ARHGAP15: variants seen among roughly 807,000 people sequenced by gnomAD.
ARHGAP15 encodes the protein Rho GTPase activating protein 15, also known as rho GTPase-activating protein 15.
Under a neutral mutation model 63.7 loss-of-function variants are expected in ARHGAP15, and 51 were observed. The ratio of observed to expected loss-of-function variants is 0.80; its 90% CI spans 0.64 to 1.01. The LOEUF (loss-of-function observed/expected upper bound fraction) is 1.01. Among genes scored for constraint, ARHGAP15 ranks in the 50% least tolerant of loss-of-function variants. The probability of loss-of-function intolerance (pLI) is 0.00; values close to 1 mark genes in which losing one functional copy is unlikely to be tolerated. For missense variants in ARHGAP15, 560 were observed against 564.6 expected (o/e 0.99, Z 0.08); for synonymous variants, 191 against 193.8 (o/e 0.99, Z 0.12).
chr2:143,452,910 A>G (rs1690473778), intron 8 of ARHGAP15, among the ~76,000 whole-genome samples: 1 of 152,138 alleles, frequency 6.6e-6, no homozygotes, highest in East Asian at 1.9e-4. Flanking sequence ...AATATTTGGC[A>G]TAAAGGAAAT....
At chr2:143,580,568 G>T (rs1463142309) in intron 11 of ARHGAP15, among the ~76,000 whole-genome samples, 1 of 151,986 alleles carries the variant, frequency 6.6e-6, no homozygotes, top group Non-Finnish European at 1.5e-5. Flanking sequence ...GAGGTTCCAA[G>T]TTCCTGTGAT....
At chr2:143,392,923 TA>T (rs897508032) in intron 6 of ARHGAP15, among the ~76,000 whole-genome samples, 8 of 151,788 alleles carry the variant, frequency 5.3e-5, no homozygotes, top group African/African-American at 1.9e-4. Flanking sequence ...TCTCCATAGA[TA>T]AAAAAAACCT....
intron 6 of ARHGAP15, among the ~76,000 whole-genome samples, chr2:143,405,354 AT>A (rs1433636302): frequency 2.1e-5 from 3 of 145,698 alleles, no homozygotes; most frequent in Non-Finnish European, 4.6e-5. Context: ...TGTGTTTTTT[AT>A]TTTTTTGATT....
intron 13 of ARHGAP15, among the ~76,000 whole-genome samples, chr2:143,766,100 C>T (rs1032376097): frequency 6.6e-6 from 1 of 151,856 alleles, no homozygotes; most frequent in South Asian, 2.1e-4. Flanking sequence ...GGCATGGCCT[C>T]TTGGTCACAA....
At chr2:143,318,419 A>G (rs1387808995) in intron 6 of ARHGAP15, among the ~76,000 whole-genome samples, 1 of 147,504 alleles carries the variant, frequency 6.8e-6, no homozygotes, top group Non-Finnish European at 1.5e-5. Flanking sequence ...GGCTCAAATG[A>G]TTTAGCATAG....
rs147293267 is a variant in ARHGAP15, at chr2:143,542,146, G to A, written c.926-14262G>A. The stretch of plus-strand genomic sequence containing the variant: ...TCAGAATGCCATGCTAGCAATGAGC[G>A]AGGCTTCGTGGGCGTAGGACCCTCC... On this transcript the variant is annotated intron_variant, in intron 10 of 13. Coordinates refer to ENST00000295095, the MANE Select transcript of ARHGAP15 (RefSeq NM_018460.4). 5.3e-3 allele frequency among the ~76,000 whole-genome samples: 800 copies of A among 152,306 alleles called. 6 individuals carry two copies. Among genetic ancestry groups the A allele is most frequent in the African/African-American group, 0.018 (757 of 41,560 alleles).
At chr2:143,164,213 T>C (rs2105029064) in intron 2 of ARHGAP15, among the ~76,000 whole-genome samples, 1 of 152,166 alleles carries the variant, frequency 6.6e-6, no homozygotes, top group African/African-American at 2.4e-5. Context: ...AAGTATTTTA[T>C]CCAGCCTTTG....
In ARHGAP15 at chr2:143,443,894, T is replaced by C. The variant is rs539660555; in HGVS notation, c.703+6852T>C. Among the ~76,000 whole-genome samples the C allele has an allele frequency of 3.3e-5, 5 of 152,312 alleles. 1 individual carries two copies. In the South Asian group the frequency reaches 1.0e-3, roughly 32 times the overall value. On this transcript the variant is annotated intron_variant, in intron 8 of 13. Coordinates refer to ENST00000295095, the MANE Select transcript of ARHGAP15 (RefSeq NM_018460.4). Reference sequence around the variant, plus strand: ...TTTTCTGGGACCCGTAGATTGCACTTTCTTCAAAACATTCAGTTTTCAATG... The same window carrying C: ...TTTTCTGGGACCCGTAGATTGCACTCTCTTCAAAACATTCAGTTTTCAATG...
intron 1 of ARHGAP15, among the ~76,000 whole-genome samples, chr2:143,149,846 C>T (rs1689744256): frequency 6.6e-6 from 1 of 151,986 alleles, no homozygotes; most frequent in Non-Finnish European, 1.5e-5. Context: ...ATTCAACAAA[C>T]ATTTAAGTCT....
intron 6 of ARHGAP15, among the ~76,000 whole-genome samples, chr2:143,316,496 G>A (rs144586899): frequency 1.3e-4 from 19 of 148,534 alleles, no homozygotes; most frequent in East Asian, 9.8e-4. Context: ...GCAGAATCTC[G>A]CTATTTGTAA....
intron 5 of ARHGAP15, among the ~76,000 whole-genome samples, chr2:143,229,407 C>T (rs1340146918): frequency 6.6e-6 from 1 of 152,090 alleles, no homozygotes; most frequent in Non-Finnish European, 1.5e-5. Flanking sequence ...TTCCTTGTAC[C>T]TGGAGGAGGG....
intron 6 of ARHGAP15, among the ~76,000 whole-genome samples, chr2:143,267,619 T>C (rs1193210054): frequency 1.3e-5 from 2 of 152,216 alleles, no homozygotes; most frequent in Non-Finnish European, 1.5e-5. Context: ...AATTGAAATA[T>C]GTAAATGGGT....
At chr2:143,159,248 T>C (rs1310256636) in intron 2 of ARHGAP15, among the ~76,000 whole-genome samples, 1 of 151,984 alleles carries the variant, frequency 6.6e-6, no homozygotes, top group East Asian at 1.9e-4. Context: ...TTTTTAAATA[T>C]ATTATCAGAA....
chr2:143,322,142 G>T (rs1684052005), intron 6 of ARHGAP15, among the ~76,000 whole-genome samples: 1 of 152,034 alleles, frequency 6.6e-6, no homozygotes, highest in Non-Finnish European at 1.5e-5. Context: ...TTCCAATGAG[G>T]CCGCTCAACC....
chr2:143,167,086 A>G (rs112671739), intron 2 of ARHGAP15, among the ~76,000 whole-genome samples: 2 of 152,272 alleles, frequency 1.3e-5, no homozygotes, highest in African/African-American at 4.8e-5. Context: ...GAACACAGAC[A>G]TAATTTAAAC....
chr2:143,168,982 G>A (rs180689616), intron 2 of ARHGAP15, among the ~76,000 whole-genome samples: 35 of 152,120 alleles, frequency 2.3e-4, no homozygotes, highest in Non-Finnish European at 3.1e-4. Flanking sequence ...CCAAATAGAA[G>A]CCTTAATGGA....
At chr2:143,736,682 AAC>A (rs1685758407) in intron 13 of ARHGAP15, among the ~76,000 whole-genome samples, 1 of 152,222 alleles carries the variant, frequency 6.6e-6, no homozygotes, top group Admixed American at 6.5e-5. Flanking sequence ...TTCAAAAATT[AAC>A]AGTTACTACT....
chr2:143,149,733 T>A (rs1313371794), intron 1 of ARHGAP15, among the ~76,000 whole-genome samples: 1 of 151,988 alleles, frequency 6.6e-6, no homozygotes, highest in Non-Finnish European at 1.5e-5. Flanking sequence ...CAAAGGTGAG[T>A]TACACATTTT....
At chr2:143,403,895 C>T (rs1688089497) in intron 6 of ARHGAP15, among the ~76,000 whole-genome samples, 3 of 150,176 alleles carry the variant, frequency 2.0e-5, no homozygotes, top group African/African-American at 2.4e-5. Context: ...GCAAGACTCT[C>T]GGGAGCTGCA....
Sources: gnomAD v4.1 joint callset for allele counts (sites outside exome capture counted in the v4.1 genomes callset) on GRCh38, gnomAD v4.1.1 for gene constraint, MANE v1.5 for transcripts, NCBI Gene and HGNC (gene_info 2026-07-23, HGNC 2026-07-21) for gene names.